DAB1: variants seen among roughly 807,000 people sequenced by gnomAD.
The protein encoded by DAB1 is DAB adaptor protein 1, also known as disabled homolog 1.
A neutral mutation model predicts 64.6 loss-of-function variants in DAB1; 15 were observed. That is an observed-to-expected ratio of 0.23 (90% CI 0.16 to 0.36). DAB1 has a LOEUF of 0.36. Ranked by LOEUF, DAB1 falls within the 10% of genes least tolerant of loss-of-function variation. The pLI, the probability that DAB1 is intolerant of heterozygous loss-of-function variation, is 1.00. For missense variants in DAB1, 596 were observed against 706.7 expected, an observed-to-expected ratio of 0.84 and a Z score of 1.78; for synonymous variants, 235 against 251.9, an observed-to-expected ratio of 0.93 and a Z score of 0.64.
At position 57,147,220 on chromosome 1, in the gene DAB1, G is replaced by T. The variant is rs535698040; in HGVS notation, c.68-1791C>A. Among the ~76,000 whole-genome samples, 3 of 151,900 alleles carry T rather than the reference G, an allele frequency of 2.0e-5. No individual in the cohort carries two copies. In the South Asian group the frequency reaches 6.2e-4, roughly 32 times the overall value. On this transcript the variant is annotated intron_variant, in intron 2 of 14. Transcript: ENST00000371236. ...TATATTTTTGTAGAGATGGGGTTTT[G>T]CCATGTTGCCCAGTCTCAGACTTTC...
intron 6 of DAB1, among the ~76,000 whole-genome samples, chr1:57,751,608 G>A (rs1648556093): frequency 6.6e-6 from 1 of 152,012 alleles, no homozygotes; most frequent in African/African-American, 2.4e-5. Flanking sequence ...GGGTGAGGAT[G>A]GAAGAGGACA....
Position 58,297,243 on chromosome 1 carries a change from C to T in DAB1, n.309+46109G>A, listed in dbSNP as rs10493252. 0.022 allele frequency among the ~76,000 whole-genome samples: 3,308 copies of T among 152,112 alleles called. 255 individuals carry two copies. In the South Asian group the frequency reaches 0.22, roughly 10 times the overall value. The stretch of plus-strand genomic sequence containing the variant: ...TAGAGTTGTGAGAATTAAGTGAGAA[C>T]GTGTATAATTAAGTAGAAGAAATAA... On this transcript the variant is annotated intron_variant and non_coding_transcript_variant, in intron 4 of 20. Transcript: ENST00000485760.
chr1:57,528,000 A>C (rs973132446), intron 7 of DAB1, among the ~76,000 whole-genome samples: 2 of 148,514 alleles, frequency 1.3e-5, no homozygotes, highest in Non-Finnish European at 3.0e-5. Flanking sequence ...GAGAAAACTC[A>C]AGCAAAGAAA....
At chr1:58,291,874 A>G (rs1569608963) in intron 4 of DAB1, among the ~76,000 whole-genome samples, 1 of 152,206 alleles carries the variant, frequency 6.6e-6, no homozygotes, top group African/African-American at 2.4e-5. Flanking sequence ...ACCTGACTGT[A>G]CCACAGAGTA....
In DAB1 at chr1:57,639,286, T is replaced by TAA. The variant is rs57961179; in HGVS notation, n.625+10304_625+10305dup. 2.1e-4 allele frequency among the ~76,000 whole-genome samples: 14 copies of TAA among 65,714 alleles called. No individual in the cohort carries two copies. The East Asian group carries it at 2.4e-3, about 11-fold the overall frequency. 43.1% of individuals were successfully genotyped at this position (65,714 alleles called of 152,430 possible). A position where few individuals can be genotyped will look rare whatever the true frequency, so the allele number is the denominator to read the frequency against. On this transcript the variant is annotated intron_variant and non_coding_transcript_variant, in intron 7 of 20. Transcript: ENST00000485760. ...GTAAGTAACTTTATAAAGTTCTTTA[T>TAA]AAAGAACTTTAGTAAATAACTTTAT... is the stretch of plus-strand genomic sequence containing the variant.
chr1:57,114,266 T>C (rs1448127413), intron 4 of DAB1, among the ~76,000 whole-genome samples: 1 of 149,790 alleles, frequency 6.7e-6, no homozygotes, highest in Non-Finnish European at 1.5e-5. Flanking sequence ...GTTTCTTTTT[T>C]ATTAGGCTCA....
chr1:57,444,907 A>C (rs969115506), intron 7 of DAB1, among the ~76,000 whole-genome samples: 1 of 152,194 alleles, frequency 6.6e-6, no homozygotes, highest in African/African-American at 2.4e-5. Flanking sequence ...TAGGAAACTA[A>C]TACTGTCATC....
intron 5 of DAB1, among the ~76,000 whole-genome samples, chr1:57,943,547 CCTGTGTTT>C (rs1315129459): frequency 7.2e-5 from 11 of 152,116 alleles, no homozygotes; most frequent in African/African-American, 2.2e-4. Context: ...ATTCCACATG[CCTGTGTTT>C]CTTATGTATA....
intron 3 of DAB1, among the ~76,000 whole-genome samples, chr1:58,478,025 C>A (rs1452661107): frequency 6.6e-6 from 1 of 152,140 alleles, no homozygotes; most frequent in East Asian, 1.9e-4. Context: ...ATGCTTAGCA[C>A]CACACATAAA....
intron 4 of DAB1, among the ~76,000 whole-genome samples, chr1:57,132,323 G>A (rs1657712030): frequency 6.6e-6 from 1 of 152,324 alleles, no homozygotes; most frequent in South Asian, 2.1e-4. Flanking sequence ...GAGTATCCCA[G>A]TATCTTGGCA....
At chr1:58,006,477 G>A (rs992467713) in intron 5 of DAB1, among the ~76,000 whole-genome samples, 10 of 152,096 alleles carry the variant, frequency 6.6e-5, no homozygotes, top group African/African-American at 2.4e-4. Context: ...AGGATATTTA[G>A]GATCACAAAG....
rs55782137 is a variant in DAB1 at position 57,659,978 on chromosome 1, AAAATAAATAAAT to A, written n.552-10325_552-10314del. ...GTCAACAGAGCAAGGCTCTCTCTCA[AAAATAAATAAAT>A]AAATAAATAAATAAATAAATAAATA... On this transcript the variant is annotated intron_variant and non_coding_transcript_variant, in intron 6 of 20. Coordinates refer to the DAB1 transcript ENST00000485760. Among the ~76,000 whole-genome samples the A allele has an allele frequency of 3.2e-4, 44 of 138,756 alleles. 1 individual carries two copies. The highest frequency in any genetic ancestry group is 8.8e-4 in the Admixed American group (12 of 13,676). 91.0% of individuals were successfully genotyped at this position (138,756 alleles called of 152,430 possible).
chr1:57,947,286 CA>C (rs1438868227), intron 5 of DAB1, among the ~76,000 whole-genome samples: 3 of 152,112 alleles, frequency 2.0e-5, no homozygotes, highest in Non-Finnish European at 4.4e-5. Flanking sequence ...GACCCAAAGA[CA>C]GTCCAGTGCC....
At chr1:58,427,105 T>C (rs1644828659) in intron 3 of DAB1, among the ~76,000 whole-genome samples, 2 of 151,386 alleles carry the variant, frequency 1.3e-5, no homozygotes, top group Non-Finnish European at 2.9e-5. Context: ...TGGAGTAGGG[T>C]GGAGTAGAGT....
chr1:57,733,359 G>A (rs769606804), intron 6 of DAB1, among the ~76,000 whole-genome samples: 2 of 151,742 alleles, frequency 1.3e-5, no homozygotes, highest in Non-Finnish European at 2.9e-5. Flanking sequence ...AGTTCCATGA[G>A]GGCAGGGATC....
intron 6 of DAB1, among the ~76,000 whole-genome samples, chr1:57,685,057 A>T (rs1646679745): frequency 6.6e-6 from 1 of 151,366 alleles, no homozygotes; most frequent in Admixed American, 6.6e-5. Flanking sequence ...GGTTCAAGTG[A>T]TTCTTCTGCC....
chr1:58,509,265 C>A (rs1432234375), intron 2 of DAB1, among the ~76,000 whole-genome samples: 1 of 151,494 alleles, frequency 6.6e-6, no homozygotes, highest in East Asian at 1.9e-4. Flanking sequence ...TTCAAAATAA[C>A]CATCATAAAG....
chr1:57,694,395 G>A (rs1029049076), intron 6 of DAB1, among the ~76,000 whole-genome samples: 12 of 152,088 alleles, frequency 7.9e-5, no homozygotes, highest in East Asian at 5.8e-4. Flanking sequence ...AGGAGGAACC[G>A]AGAATATATA....
chr1:57,741,956 C>T (rs1648014949), intron 6 of DAB1, among the ~76,000 whole-genome samples: 1 of 152,190 alleles, frequency 6.6e-6, no homozygotes, highest in Non-Finnish European at 1.5e-5. Flanking sequence ...TTTTCGAGTG[C>T]TATGTATTGG....
Sources: gnomAD v4.1 joint callset for allele counts (sites outside exome capture counted in the v4.1 genomes callset) on GRCh38, gnomAD v4.1.1 for gene constraint, MANE v1.5 for transcripts, NCBI Gene and HGNC (gene_info 2026-07-23, HGNC 2026-07-21) for gene names.